Variants in AP4B1 observed in about 807,000 individuals in gnomAD.
AP4B1 encodes AP-4 complex subunit beta-1.
Under a neutral mutation model 76.5 loss-of-function variants are expected in AP4B1, and 49 were observed. The observed-to-expected ratio is 0.64, with a 90% CI of 0.51 to 0.81. AP4B1 has a LOEUF of 0.81. Ranked by LOEUF, AP4B1 falls within the 40% of genes least tolerant of loss-of-function variation. AP4B1 has a pLI of 0.00. For synonymous variants in AP4B1, 330 were observed against 333.3 expected (o/e 0.99, Z 0.11); for missense variants, 911 against 904.9 (o/e 1.01, Z -0.09).
chr1:113,900,536 T>A, intron 4 of AP4B1, 136 bp from the exon 5 acceptor site: 1 of 1,058,556 alleles, frequency 9.4e-7, no homozygotes, highest in Non-Finnish European at 1.4e-6. Flanking sequence ...CATAATTAAG[T>A]CACTTTTCAT....
Position 113,898,666 on chromosome 1 carries a change from T to C in AP4B1, c.1198+52A>G, listed in dbSNP as rs539412538. The C allele has an allele frequency of 1.3e-4, 177 of 1,368,910 alleles. 2 individuals are homozygous for C. In the South Asian group the frequency reaches 1.9e-3, roughly 15 times the overall value. The allele number at this position is 1,368,910 out of a possible 1,614,324, so 84.8% of individuals were successfully genotyped here. A position where few individuals can be genotyped will look rare whatever the true frequency, so the allele number is the denominator to read the frequency against. On this transcript the variant is annotated intron_variant, in intron 6 of 9. Coordinates refer to ENST00000369569, the MANE Select transcript of AP4B1 (RefSeq NM_001253852.3). ...ACAAACATGTTTTGAGCAACTACTA[T>C]AGGCCAGGCACCTGACAAAAAAAAC...
At chr1:113,899,290 G>T in intron 5 of AP4B1, 3 of 1,016,150 alleles carry the variant, frequency 3.0e-6, no homozygotes, top group Non-Finnish European at 3.5e-6. Flanking sequence ...TGGCTCAACA[G>T]CTGTTTTCAG....
Position 113,895,303 on chromosome 1 carries a change from A to C in AP4B1, c.1982T>G (p.Leu661Arg). 3 of 1,614,248 alleles carry C rather than the reference A, an allele frequency of 1.9e-6. No individual in the cohort carries two copies. Among genetic ancestry groups the C allele is most frequent in the Non-Finnish European group, 2.5e-6 (3 of 1,180,042 alleles). The change falls in exon 10 of 10, where the codon CTT becomes CGT. Residue 661 changes from leucine to arginine, a missense_variant. Transcript: ENST00000369569. ...EFHPDTLQMA[L>R]QVVNIQTIAM... ...GATGGTCTGGATGTTCACTACTTGA[A>C]GAGCCATCTGGAGGGTGTCAGGATG...
At chr1:113,901,407 A>T in intron 3 of AP4B1, 24 bp from the exon 4 acceptor site, 1 of 1,610,618 alleles carries the variant, frequency 6.2e-7, no homozygotes, top group Non-Finnish European at 8.5e-7. Flanking sequence ...CAAAGTTCTT[A>T]GATAAAGAAG....
intron 6 of AP4B1, among the ~76,000 whole-genome samples, chr1:113,898,297 T>G (rs140060478): frequency 0.017 from 2,597 of 152,260 alleles, 37 homozygotes; most frequent in Non-Finnish European, 0.024. Context: ...GTGAGGTGCC[T>G]AGGGTTCAAA....
chr1:113,903,091 A>C (rs1201242388), intron 1 of AP4B1, among the ~76,000 whole-genome samples: 1 of 152,210 alleles, frequency 6.6e-6, no homozygotes, highest in African/African-American at 2.4e-5. Context: ...TTTGAGACAG[A>C]GTCTTGCTCT....
rs574415785 is a variant in AP4B1, at chr1:113,903,502, T to C, written c.114-640A>G. 1.8e-4 allele frequency among the ~76,000 whole-genome samples: 28 copies of C among 152,360 alleles called. No homozygotes were observed. The South Asian group carries it at 5.8e-3, about 32-fold the overall frequency. On this transcript the variant is annotated intron_variant, in intron 1 of 9. Coordinates refer to ENST00000369569, the MANE Select transcript of AP4B1 (RefSeq NM_001253852.3). ...ACTTCAAATCTATTAATGAGCCAGATGAGAATACCGTTAATTACAGTATGA... is the reference window on the plus strand; with the variant it reads ...ACTTCAAATCTATTAATGAGCCAGACGAGAATACCGTTAATTACAGTATGA...
At position 113,901,238 on chromosome 1, in the gene AP4B1, A is replaced by C; in HGVS notation, c.615T>G (p.Asn205Lys). 1 of 1,614,198 alleles carries C rather than the reference A, an allele frequency of 6.2e-7. No homozygotes were observed. Among genetic ancestry groups the C allele is most frequent in the Non-Finnish European group, 8.5e-7 (1 of 1,180,042 alleles). Residue 205 changes from asparagine (N) to lysine (K), a missense_variant and splice_region_variant, in exon 4 of 10, where the codon AAT becomes AAG. Physicochemically the swap from Asn to Lys is moderately conservative, Grantham distance 94. Transcript: ENST00000369569. ...AAAGAGTGCTGAGGCATCCAAACCG[A>C]TTTAAGAGATGGTGAGCAATGGGCT... Reference protein sequence around the residue: ...INKPIAHHLLNRMSKLDQWGQ... With the variant: ...INKPIAHHLLKRMSKLDQWGQ...
Position 113,895,889 on chromosome 1 carries a change from T to G in AP4B1, c.1660A>C (p.Asn554His). The G allele has an allele frequency of 6.2e-7, 1 of 1,614,230 alleles. No individual in the cohort carries two copies. Among genetic ancestry groups the G allele is most frequent in the Non-Finnish European group, 8.5e-7 (1 of 1,180,044 alleles). The change falls in exon 9 of 10, where the codon AAT (asparagine) becomes CAT (histidine). Residue 554 changes from asparagine to histidine, a missense_variant. By Grantham distance (68) the Asn-to-His change is moderately conservative. Transcript: ENST00000369569. ...LLEDPAERPVNSWASDFNTLV... is the reference protein window; with the variant it reads ...LLEDPAERPVHSWASDFNTLV... ...GTGTTGAAGTCTGAGGCCCAGCTATTCACAGGTCTTTCTGCCGGATCCTCC... is the reference window on the plus strand; with the variant it reads ...GTGTTGAAGTCTGAGGCCCAGCTATGCACAGGTCTTTCTGCCGGATCCTCC...
chr1:113,894,639 CT>C lies in AP4B1; in HGVS notation c.*425del, dbSNP rs1355330448. 1 of 200,978 alleles carries C rather than the reference CT, an allele frequency of 5.0e-6. No homozygotes were observed. The highest frequency in any genetic ancestry group is 1.0e-5 in the Non-Finnish European group (1 of 97,648). The allele number at this position is 200,978 out of a possible 1,614,324, so 12.4% of individuals were successfully genotyped here. ...GAGGTACTTTAGATGACATTAAGGA[CT>C]TTGGAATCTGGCCTAAAAGCATGAT... is the stretch of plus-strand genomic sequence containing the variant. On this transcript the variant is annotated 3_prime_UTR_variant, in exon 10 of 10. Transcript: ENST00000369569.
upstream of AP4B1, chr1:113,904,880 C>A (rs1373468614): frequency 1.5e-6 from 1 of 680,534 alleles, no homozygotes; most frequent in African/African-American, 1.8e-5. Context: ...CACGCTGGCC[C>A]TGACACACTT....
intron 6 of AP4B1, among the ~76,000 whole-genome samples, 174 bp downstream of exon 6, chr1:113,898,544 C>T (rs1162543229): frequency 4.6e-5 from 7 of 152,182 alleles, no homozygotes; most frequent in Admixed American, 2.0e-4. Context: ...AGCCTGAAGA[C>T]TCAATATCCT....
At chr1:113,902,612 G>T in intron 2 of AP4B1, 26 bp downstream of exon 2, 1 of 1,605,152 alleles carries the variant, frequency 6.2e-7, no homozygotes, top group South Asian at 1.1e-5. Context: ...AGCCATTTAG[G>T]ACCAGACAGA....
At position 113,894,964 on chromosome 1, in the gene AP4B1, T is replaced by A; in HGVS notation, c.*101A>T. 1 of 1,293,260 alleles carries A rather than the reference T, an allele frequency of 7.7e-7. No individual in the cohort carries two copies. Among genetic ancestry groups the A allele is most frequent in the Non-Finnish European group, 1.1e-6 (1 of 934,804 alleles). 80.1% of individuals were successfully genotyped at this position (1,293,260 alleles called of 1,614,324 possible). On this transcript the variant is annotated 3_prime_UTR_variant, in exon 10 of 10. Transcript: ENST00000369569. ...CTGATTTCTAGATTTTCCACTCTCC[T>A]TTGTATCTGATATTATCTGGACTTA...
chr1:113,902,206 AT>A, intron 2 of AP4B1: 1 of 405,068 alleles, frequency 2.5e-6, no homozygotes, highest in Middle Eastern at 7.9e-4. Flanking sequence ...TGCCCATTTA[AT>A]TTTTTGTAGA....
At chr1:113,896,499 C>T (rs1433183942) in intron 7 of AP4B1, 34 bp from the exon 8 acceptor site, 3 of 1,604,414 alleles carry the variant, frequency 1.9e-6, no homozygotes, top group East Asian at 2.2e-5. Context: ...AAGTGCTCAA[C>T]ACTTGACTGT....
rs553085946 is a variant in AP4B1, at chr1:113,895,711, G to A, written c.1792+46C>T. On this transcript the variant is annotated intron_variant, in intron 9 of 9. Coordinates refer to ENST00000369569, the MANE Select transcript of AP4B1 (RefSeq NM_001253852.3). ...TCTACTTTCCACCAATCATTGAAAA[G>A]GTAAAGATTTATCATGACAAGATTT... The A allele has an allele frequency of 6.8e-6, 11 of 1,611,078 alleles. No individual in the cohort carries two copies. The African/African-American group carries it at 1.5e-4, about 21-fold the overall frequency.
chr1:113,899,643 A>AGT (rs1469093623), intron 5 of AP4B1, among the ~76,000 whole-genome samples: 1 of 152,212 alleles, frequency 6.6e-6, no homozygotes, highest in Non-Finnish European at 1.5e-5. Context: ...AGAAGACAAC[A>AGT]ACAATTTTAA....
Position 113,894,439 on chromosome 1 carries a change from G to A in AP4B1, c.*626C>T, listed in dbSNP as rs528194253. Among the ~76,000 whole-genome samples the A allele has an allele frequency of 4.6e-5, 7 of 152,284 alleles. No individual in the cohort carries two copies. The highest frequency in any genetic ancestry group is 1.4e-4 in the African/African-American group (6 of 41,550). On this transcript the variant is annotated 3_prime_UTR_variant, in exon 10 of 10. Coordinates refer to ENST00000369569, the MANE Select transcript of AP4B1 (RefSeq NM_001253852.3). Reference sequence around the variant, plus strand: ...GTGAGCTGAACACTGAAAGATAGACGAGGTGTTAATTCAAGAAGATATGAG... The same window carrying A: ...GTGAGCTGAACACTGAAAGATAGACAAGGTGTTAATTCAAGAAGATATGAG...
Sources: allele counts gnomAD v4.1 joint callset (sites outside exome capture counted in the v4.1 genomes callset), GRCh38; gene constraint gnomAD v4.1.1; transcripts MANE v1.5; gene names NCBI Gene and HGNC (gene_info 2026-07-23, HGNC 2026-07-21).